The following FBXL17 variants were observed in gnomAD, a reference collection of about 807,000 sequenced individuals.
FBXL17 encodes the protein F-box and leucine rich repeat protein 17.
In FBXL17, 22 loss-of-function variants were observed where a neutral mutation model predicts 66.2. The observed-to-expected ratio is 0.33, with a 90% confidence interval of 0.24 to 0.47. The LOEUF is 0.47. FBXL17 is among the 20% of genes least tolerant of loss of function. The probability of loss-of-function intolerance (pLI) is 1.00; values close to 1 mark genes in which losing one functional copy is unlikely to be tolerated. For synonymous variants in FBXL17, 474 were observed against 400.5 expected (o/e 1.18, Z -2.19); for missense variants, 878 against 948.2 (o/e 0.93, Z 0.97).
chr5:108,005,234 C>G (rs1753880433), intron 7 of FBXL17, among the ~76,000 whole-genome samples: 1 of 151,886 alleles, frequency 6.6e-6, no homozygotes, highest in Non-Finnish European at 1.5e-5. Context: ...TCTAATGGTA[C>G]TTATTCCTGT....
At chr5:108,030,870 C>T (rs779746393) in intron 6 of FBXL17, among the ~76,000 whole-genome samples, 2 of 151,940 alleles carry the variant, frequency 1.3e-5, no homozygotes, top group Non-Finnish European at 2.9e-5. Flanking sequence ...TTCTATAGGT[C>T]GTGAGGGCAT....
chr5:107,918,804 T>G (rs1370784596), intron 7 of FBXL17, among the ~76,000 whole-genome samples: 1 of 152,224 alleles, frequency 6.6e-6, no homozygotes, highest in South Asian at 2.1e-4. Context: ...TGTTGTTGAT[T>G]CCCAATGCTT....
intron 4 of FBXL17, among the ~76,000 whole-genome samples, chr5:108,265,858 T>C (rs1470706900): frequency 6.6e-6 from 1 of 152,154 alleles, no homozygotes; most frequent in Non-Finnish European, 1.5e-5. Context: ...CTAACAAACT[T>C]TTAAGTAATG....
At chr5:108,178,284 G>T (rs34351928) in intron 6 of FBXL17, among the ~76,000 whole-genome samples, 2,962 of 152,168 alleles carry the variant, frequency 0.019, 49 homozygotes, top group Non-Finnish European at 0.027. Flanking sequence ...CTGAGCTCAA[G>T]TAGTCCACCC....
At chr5:108,052,971 G>T (rs1747541098) in intron 6 of FBXL17, among the ~76,000 whole-genome samples, 1 of 152,192 alleles carries the variant, frequency 6.6e-6, no homozygotes, top group African/African-American at 2.4e-5. Flanking sequence ...TCAATAAATG[G>T]TGCTGGGAAA....
chr5:108,320,821 C>T (rs528645622), intron 4 of FBXL17, among the ~76,000 whole-genome samples: 2 of 151,820 alleles, frequency 1.3e-5, no homozygotes, highest in Admixed American at 6.6e-5. Context: ...AGGTTATCTT[C>T]GAACAGGGTT....
chr5:108,234,605 A>G (rs1755515146), intron 4 of FBXL17, among the ~76,000 whole-genome samples: 2 of 152,186 alleles, frequency 1.3e-5, no homozygotes, highest in Admixed American at 1.3e-4. Flanking sequence ...TCAAGGCACA[A>G]TGGGTCTACT....
chr5:108,330,401 G>C (rs1188633743), intron 4 of FBXL17, among the ~76,000 whole-genome samples: 1 of 152,088 alleles, frequency 6.6e-6, no homozygotes, highest in Non-Finnish European at 1.5e-5. Flanking sequence ...AGGGATTACT[G>C]TTTAGGTCCT....
chr5:108,064,240 T>C (rs1285525155), intron 6 of FBXL17, among the ~76,000 whole-genome samples: 1 of 152,146 alleles, frequency 6.6e-6, no homozygotes, highest in African/African-American at 2.4e-5. Context: ...TGAGTTATTC[T>C]GCATAAAGAT....
chr5:108,071,864 A>G (rs955050259), intron 6 of FBXL17, among the ~76,000 whole-genome samples: 4 of 152,096 alleles, frequency 2.6e-5, no homozygotes, highest in African/African-American at 9.7e-5. Flanking sequence ...AATTACCTAA[A>G]TCACAAAATT....
At chr5:108,161,058 GAATT>G (rs1187124422) in intron 6 of FBXL17, among the ~76,000 whole-genome samples, 2 of 152,126 alleles carry the variant, frequency 1.3e-5, no homozygotes, top group African/African-American at 4.8e-5. Context: ...TAGGGGAAGA[GAATT>G]TATTTTTCAA....
At chr5:108,207,857 C>G (rs1009400913) in intron 5 of FBXL17, among the ~76,000 whole-genome samples, 4 of 152,270 alleles carry the variant, frequency 2.6e-5, no homozygotes, top group African/African-American at 9.6e-5. Flanking sequence ...ATTGCTGGGT[C>G]AAATGGTATT....
intron 6 of FBXL17, among the ~76,000 whole-genome samples, chr5:108,126,074 T>G (rs2149970294): frequency 6.6e-6 from 1 of 152,206 alleles, no homozygotes; most frequent in East Asian, 1.9e-4. Context: ...TCTAGAGCAA[T>G]CATGTGCAGT....
chr5:108,286,914 T>C (rs1757921873), intron 4 of FBXL17, among the ~76,000 whole-genome samples: 2 of 151,954 alleles, frequency 1.3e-5, no homozygotes, highest in African/African-American at 4.8e-5. Context: ...AACAGCATTA[T>C]ACTGGTAGAA....
chr5:108,213,332 A>G lies in FBXL17; in HGVS notation c.1614+10789T>C, dbSNP rs536232579. On this transcript the variant is annotated intron_variant, in intron 5 of 8. Coordinates refer to ENST00000542267, the MANE Select transcript of FBXL17 (RefSeq NM_001163315.3). ...TGTCTTGCTGGTGTTCCAGGCCCCA[A>G]TGAGGCATGGAAAAAAAGAACTCCT... Among the ~76,000 whole-genome samples the G allele has an allele frequency of 1.4e-3, 206 of 152,262 alleles. No individual in the cohort carries two copies. The Middle Eastern group carries it at 0.014, about 10-fold the overall frequency.
intron 4 of FBXL17, among the ~76,000 whole-genome samples, chr5:108,324,190 G>A (rs968920253): frequency 4.0e-5 from 6 of 151,826 alleles, no homozygotes; most frequent in African/African-American, 1.5e-4. Flanking sequence ...TATTTGATAA[G>A]GAGTTAATAT....
intron 6 of FBXL17, among the ~76,000 whole-genome samples, chr5:108,161,155 CAAAT>C (rs2150006702): frequency 9.9e-6 from 1 of 101,322 alleles, no homozygotes; most frequent in Admixed American, 9.6e-5. Context: ...AATTAATCAA[CAAAT>C]AGATACATAC....
intron 6 of FBXL17, among the ~76,000 whole-genome samples, chr5:108,070,481 G>T (rs990563536): frequency 6.6e-6 from 1 of 152,158 alleles, no homozygotes; most frequent in Non-Finnish European, 1.5e-5. Context: ...CCCCAACAGG[G>T]TTTACTTAAT....
chr5:108,171,416 C>T (rs923903788), intron 6 of FBXL17, among the ~76,000 whole-genome samples: 4 of 152,134 alleles, frequency 2.6e-5, no homozygotes, highest in African/African-American at 9.7e-5. Context: ...TGATCTTCAG[C>T]AAGACATTCT....
Sources: allele counts gnomAD v4.1 joint callset (sites outside exome capture counted in the v4.1 genomes callset), GRCh38; gene constraint gnomAD v4.1.1; transcripts MANE v1.5; gene names NCBI Gene and HGNC (gene_info 2026-07-23, HGNC 2026-07-21).